Variants in LRMDA observed in about 807,000 individuals in gnomAD.
LRMDA encodes the protein leucine-rich melanocyte differentiation-associated protein.
LRMDA carries 18 observed loss-of-function variants against 29.8 expected under a neutral mutation model. The observed-to-expected ratio is 0.60, with a 90% CI of 0.42 to 0.90. The LOEUF (loss-of-function observed/expected upper bound fraction) is 0.90, where lower values mean the gene tolerates loss of function less well. Ranked by LOEUF, LRMDA falls within the 40% of genes least tolerant of loss-of-function variation. The pLI is 0.00. For missense variants in LRMDA, 273 were observed against 273.9 expected (o/e 1.00, Z 0.02); for synonymous variants, 125 against 109.4 (o/e 1.14, Z -0.89).
At chr10:75,926,081 C>A (rs896653166) in intron 2 of LRMDA, among the ~76,000 whole-genome samples, 4 of 152,164 alleles carry the variant, frequency 2.6e-5, no homozygotes, top group African/African-American at 7.2e-5. Flanking sequence ...AGAGTCCATT[C>A]TTTTAATCCA....
chr10:76,461,695 C>T (rs2132308688), intron 6 of LRMDA, among the ~76,000 whole-genome samples: 1 of 152,232 alleles, frequency 6.6e-6, no homozygotes, highest in South Asian at 2.1e-4. Context: ...GGAGGCTCTG[C>T]CCTCTGAGAA....
At chr10:76,212,145 A>G (rs1362120607) in intron 5 of LRMDA, among the ~76,000 whole-genome samples, 1 of 152,026 alleles carries the variant, frequency 6.6e-6, no homozygotes, top group Non-Finnish European at 1.5e-5. Flanking sequence ...ATTATTTAAA[A>G]CCAAACTTTA....
intron 2 of LRMDA, among the ~76,000 whole-genome samples, chr10:75,479,289 C>T (rs147674483): frequency 1.4e-4 from 22 of 152,092 alleles, no homozygotes; most frequent in Admixed American, 2.6e-4. Context: ...GGGTGGATCA[C>T]GAGGTCAGGA....
At chr10:76,262,712 A>G (rs1046722361) in intron 5 of LRMDA, among the ~76,000 whole-genome samples, 2 of 152,192 alleles carry the variant, frequency 1.3e-5, no homozygotes, top group African/African-American at 4.8e-5. Context: ...TTCCAAATCC[A>G]TGGCCTTTAG....
At chr10:76,476,714 G>T (rs1283674610) in intron 6 of LRMDA, among the ~76,000 whole-genome samples, 2 of 152,088 alleles carry the variant, frequency 1.3e-5, no homozygotes, top group Non-Finnish European at 2.9e-5. Flanking sequence ...GATCAAGTGG[G>T]CTTCATTCCT....
At chr10:76,353,552 T>C (rs1458747340) in intron 6 of LRMDA, among the ~76,000 whole-genome samples, 1 of 152,070 alleles carries the variant, frequency 6.6e-6, no homozygotes, top group Non-Finnish European at 1.5e-5. Flanking sequence ...CTGGCTTGCA[T>C]CTTAGTAAAT....
chr10:75,993,670 T>A (rs1589280309), intron 2 of LRMDA, among the ~76,000 whole-genome samples: 1 of 151,718 alleles, frequency 6.6e-6, no homozygotes, highest in South Asian at 2.1e-4. Flanking sequence ...GAGGCAGAGG[T>A]TCCAGCAAGC....
At position 76,009,272 on chromosome 10, in the gene LRMDA, C is replaced by T. The variant is rs182227777; in HGVS notation, c.132-26736C>T. ...CCCCCACTGCTTCTGACTCCCAGTT[C>T]TGTGTTTTTCTCACTACACTAAGAT... On this transcript the variant is annotated intron_variant, in intron 2 of 6. Transcript: ENST00000611255. Among the ~76,000 whole-genome samples, 12 of 152,290 alleles carry T rather than the reference C, an allele frequency of 7.9e-5. No homozygotes were observed. In the East Asian group the frequency reaches 2.1e-3, roughly 27 times the overall value.
chr10:76,520,131 C>A (rs1441068801), intron 6 of LRMDA, among the ~76,000 whole-genome samples: 2 of 152,010 alleles, frequency 1.3e-5, no homozygotes, highest in African/African-American at 2.4e-5. Context: ...ATTGCAAATT[C>A]ATTTAGTCCT....
At chr10:76,554,368 G>A (rs555566336) in intron 6 of LRMDA, among the ~76,000 whole-genome samples, 2 of 152,326 alleles carry the variant, frequency 1.3e-5, no homozygotes, top group African/African-American at 2.4e-5. Flanking sequence ...ACAGAGACTA[G>A]CTCGGCTCTT....
intron 6 of LRMDA, among the ~76,000 whole-genome samples, chr10:76,380,683 A>G (rs1174504421): frequency 6.6e-6 from 1 of 151,200 alleles, no homozygotes; most frequent in Non-Finnish European, 1.5e-5. Context: ...AAAAAAAAAA[A>G]AAAAAAAAGA....
intron 4 of LRMDA, among the ~76,000 whole-genome samples, chr10:76,048,041 T>A (rs539201100): frequency 2.6e-4 from 39 of 152,348 alleles, no homozygotes; most frequent in African/African-American, 8.7e-4. Flanking sequence ...TCATTTAAAA[T>A]TGTCTGTGTT....
At chr10:76,514,463 T>A (rs1184823609) in intron 6 of LRMDA, among the ~76,000 whole-genome samples, 1 of 152,118 alleles carries the variant, frequency 6.6e-6, no homozygotes, top group Non-Finnish European at 1.5e-5. Context: ...ACCAGGAAGG[T>A]GTGAAAATAT....
At chr10:75,567,480 T>A (rs1840387952) in intron 2 of LRMDA, among the ~76,000 whole-genome samples, 1 of 152,192 alleles carries the variant, frequency 6.6e-6, no homozygotes, top group Non-Finnish European at 1.5e-5. Context: ...TGCAAATAGA[T>A]CAGGCCAAAT....
At position 75,731,373 on chromosome 10, in the gene LRMDA, A is replaced by G. The variant is rs1034446211; in HGVS notation, c.131+292879A>G. On this transcript the variant is annotated intron_variant, in intron 2 of 6. Transcript: ENST00000611255. ...TGTTTTTTAGCACTTTCTGTGTATC[A>G]TTATGCCAAGGGAAAGGTATGACAC... Among the ~76,000 whole-genome samples the G allele has an allele frequency of 2.6e-5, 4 of 152,322 alleles. No homozygotes were observed. The South Asian group carries it at 8.3e-4, about 32-fold the overall frequency.
intron 2 of LRMDA, among the ~76,000 whole-genome samples, chr10:75,985,547 C>CA (rs1229067369): frequency 6.6e-6 from 1 of 152,136 alleles, no homozygotes; most frequent in Non-Finnish European, 1.5e-5. Context: ...CAACCTCAGT[C>CA]AAAAAAGAGA....
chr10:75,831,016 T>C (rs1226171287), intron 2 of LRMDA, among the ~76,000 whole-genome samples: 1 of 151,690 alleles, frequency 6.6e-6, no homozygotes, highest in East Asian at 1.9e-4. Flanking sequence ...ATTGGCCCCA[T>C]GCAAATCCAA....
chr10:76,112,464 T>C (rs1356208823), intron 5 of LRMDA, among the ~76,000 whole-genome samples: 1 of 152,194 alleles, frequency 6.6e-6, no homozygotes, highest in African/African-American at 2.4e-5. Flanking sequence ...CGCTCGCCTC[T>C]TGCACGGATC....
chr10:75,652,470 C>T (rs1258017537), intron 2 of LRMDA, among the ~76,000 whole-genome samples: 2 of 152,244 alleles, frequency 1.3e-5, no homozygotes, highest in Admixed American at 1.3e-4. Flanking sequence ...GACTATATCA[C>T]AGTGCTTTGC....
Sources: allele counts gnomAD v4.1 joint callset (sites outside exome capture counted in the v4.1 genomes callset), GRCh38; gene constraint gnomAD v4.1.1; transcripts MANE v1.5; gene names NCBI Gene and HGNC (gene_info 2026-07-23, HGNC 2026-07-21).